The following COLGALT1 variants were observed in gnomAD, a reference collection of about 807,000 sequenced individuals.
COLGALT1 encodes procollagen galactosyltransferase 1.
Under a neutral mutation model 60.8 loss-of-function variants are expected in COLGALT1, and 43 were observed. The ratio of observed to expected loss-of-function variants is 0.71; its 90% CI spans 0.55 to 0.91. The LOEUF (loss-of-function observed/expected upper bound fraction) is 0.91, where lower values mean the gene tolerates loss of function less well. Among genes scored for constraint, COLGALT1 ranks in the 40% least tolerant of loss-of-function variants. COLGALT1 has a pLI of 0.00. For synonymous variants in COLGALT1, 369 were observed against 374.2 expected, an observed-to-expected ratio of 0.99 and a Z score of 0.16; for missense variants, 845 against 880.0, an observed-to-expected ratio of 0.96 and a Z score of 0.50.
At chr19:17,577,612 A>C in intron 8 of COLGALT1, 145 bp downstream of exon 8, 1 of 773,990 alleles carries the variant, frequency 1.3e-6, no homozygotes, top group African/African-American at 1.8e-5. Context: ...CCTGAAGGGG[A>C]AGTGAATGGG....
At chr19:17,563,187 CTT>C (rs954111271) in intron 3 of COLGALT1, among the ~76,000 whole-genome samples, 8 of 117,504 alleles carry the variant, frequency 6.8e-5, no homozygotes, top group Admixed American at 9.6e-5. Flanking sequence ...TTTCGTGTTT[CTT>C]TTTTTTTTTT....
chr19:17,571,666 C>T (rs1258006300), intron 5 of COLGALT1, among the ~76,000 whole-genome samples: 6 of 148,678 alleles, frequency 4.0e-5, no homozygotes, highest in South Asian at 2.1e-4. Context: ...TGCAGTGAGC[C>T]GAGGTGGCAC....
chr19:17,573,415 G>A, intron 6 of COLGALT1, among the ~76,000 whole-genome samples: 1 of 152,194 alleles, frequency 6.6e-6, no homozygotes, highest in East Asian at 1.9e-4. Context: ...TATAGTCCCA[G>A]CTACTTGGGA....
In COLGALT1 at chr19:17,579,532, T is replaced by C. The variant is rs1259759342; in HGVS notation, c.1317T>C (p.Arg439=). 1 of 1,613,706 alleles carries C rather than the reference T, an allele frequency of 6.2e-7. No homozygotes were observed. Among genetic ancestry groups the C allele is most frequent in the Non-Finnish European group, 8.5e-7 (1 of 1,179,958 alleles). Residue 439 remains arginine, a synonymous_variant, in exon 10 of 12, where the codon CGT becomes CGC. Coordinates refer to ENST00000252599, the MANE Select transcript of COLGALT1 (RefSeq NM_024656.4). ...QKSLVFEDDL[R]FEIFFKRRLM... is the part of the protein sequence containing the mutation. ...CGCTTGTGTTTGAGGATGACCTGCG[T>C]TTTGAGATCTTCTTCAAGAGACGTC...
At chr19:17,558,440 G>A (rs1353426000) in intron 1 of COLGALT1, among the ~76,000 whole-genome samples, 1 of 150,160 alleles carries the variant, frequency 6.7e-6, no homozygotes, top group Non-Finnish European at 1.5e-5. Context: ...CACTTTGGGA[G>A]GCTGAGGCAG....
intron 6 of COLGALT1, among the ~76,000 whole-genome samples, chr19:17,574,949 T>A (rs550650747): frequency 7.2e-5 from 11 of 152,308 alleles, no homozygotes; most frequent in Admixed American, 5.2e-4. Context: ...CTCAACCTCC[T>A]TGACTCAAGC....
chr19:17,563,373 G>A (rs1360683934), intron 3 of COLGALT1, among the ~76,000 whole-genome samples: 2 of 142,058 alleles, frequency 1.4e-5, no homozygotes, highest in African/African-American at 2.6e-5. Flanking sequence ...TTTTTGTGAC[G>A]GAGTCTCACT....
Position 17,579,558 on chromosome 19 carries a change from T to C in COLGALT1, c.1343T>C (p.Leu448Pro). 6.2e-7 allele frequency: 1 copy of C among 1,613,580 alleles called. No individual in the cohort carries two copies. Among genetic ancestry groups the C allele is most frequent in the Non-Finnish European group, 8.5e-7 (1 of 1,179,964 alleles). The change falls in exon 10 of 12, where the codon CTG becomes CCG. Residue 448 changes from leucine to proline, a missense_variant. Coordinates refer to ENST00000252599, the MANE Select transcript of COLGALT1 (RefSeq NM_024656.4). The part of the protein sequence containing the change: ...LRFEIFFKRR[L>P]MNLMRDVERE... ...TTTGAGATCTTCTTCAAGAGACGTC[T>C]GATGAACCTCATGCGGGATGTGGAG...
chr19:17,578,226 T>C, intron 9 of COLGALT1, 137 bp downstream of exon 9: 2 of 895,812 alleles, frequency 2.2e-6, no homozygotes, highest in Non-Finnish European at 3.1e-6. Flanking sequence ...ATGGCCTCTC[T>C]TTAGTGAATG....
In COLGALT1 at chr19:17,577,186, G is replaced by A. The variant is rs764484787; in HGVS notation, c.950-9G>A. 10 of 1,612,930 alleles carry A rather than the reference G, an allele frequency of 6.2e-6. No individual in the cohort carries two copies. Among genetic ancestry groups the A allele is most frequent in the South Asian group, 2.2e-5 (2 of 91,062 alleles). ...ACCCCAGCGACTCCTCAACGTCTGT[G>A]CCCCACAGTGAAGCACCCGCCCGCA... On this transcript the variant is annotated splice_polypyrimidine_tract_variant and intron_variant, in intron 6 of 11. Coordinates refer to ENST00000252599, the MANE Select transcript of COLGALT1 (RefSeq NM_024656.4).
At chr19:17,577,589 C>T (rs779249432) in intron 8 of COLGALT1, 122 bp downstream of exon 8, 34 of 860,518 alleles carry the variant, frequency 4.0e-5, no homozygotes, top group Non-Finnish European at 5.7e-5. Flanking sequence ...ATGTAGACCT[C>T]GTCAGTGGGC....
intron 1 of COLGALT1, among the ~76,000 whole-genome samples, chr19:17,557,727 G>C (rs2076221610): frequency 6.6e-6 from 1 of 152,146 alleles, no homozygotes; most frequent in South Asian, 2.1e-4. Context: ...TCAGCTTCTT[G>C]AGTAACTGGG....
intron 6 of COLGALT1, among the ~76,000 whole-genome samples, chr19:17,574,865 T>C (rs1298016040): frequency 6.6e-6 from 1 of 151,958 alleles, no homozygotes; most frequent in Non-Finnish European, 1.5e-5. Context: ...TGTGTTGTCA[T>C]TTCCTTTTTT....
intron 1 of COLGALT1, 99 bp from the exon 2 acceptor site, chr19:17,559,212 T>G: frequency 1.3e-6 from 1 of 778,812 alleles, no homozygotes; most frequent in South Asian, 1.5e-5. Flanking sequence ...ACATAGCTGG[T>G]GGGAGGCCAG....
At chr19:17,570,439 T>C (rs1019792960) in intron 5 of COLGALT1, among the ~76,000 whole-genome samples, 18 of 151,654 alleles carry the variant, frequency 1.2e-4, no homozygotes, top group African/African-American at 4.1e-4. Flanking sequence ...AGAGATGGGG[T>C]CTTGCTATGT....
chr19:17,565,552 C>A (rs972173245), intron 3 of COLGALT1, among the ~76,000 whole-genome samples: 5 of 151,824 alleles, frequency 3.3e-5, no homozygotes, highest in Non-Finnish European at 7.4e-5. Context: ...TGTATTTAAT[C>A]CCAGCTACTC....
intron 11 of COLGALT1, 26 bp from the exon 12 acceptor site, chr19:17,581,151 C>T (rs1296088648): frequency 6.3e-7 from 1 of 1,599,490 alleles, no homozygotes; most frequent in Non-Finnish European, 8.5e-7. Flanking sequence ...CATTGCTGCC[C>T]CTCACTCCCC....
chr19:17,561,631 C>CAAAAAAAAAAAAAAAAA (rs11332403), intron 3 of COLGALT1, among the ~76,000 whole-genome samples: 1 of 72,732 alleles, frequency 1.4e-5, no homozygotes, highest in Non-Finnish European at 2.5e-5. Context: ...GACTCTGTCT[C>CAAAAAAAAAAAAAAAAA]AAAAAAAAAA....
In COLGALT1 at chr19:17,574,191, A is replaced by G. The variant is rs190384481; in HGVS notation, c.949+1589A>G. On this transcript the variant is annotated intron_variant, in intron 6 of 11. Transcript: ENST00000252599. ...CACTGCCATTCCCACCACTGCGTAG[A>G]TGGAGACTGGGTGGGAGGGGTGAGG... 4.6e-5 allele frequency among the ~76,000 whole-genome samples: 7 copies of G among 152,262 alleles called. No homozygotes were observed. In the East Asian group the frequency reaches 1.4e-3, roughly 29 times the overall value.
Sources: allele counts gnomAD v4.1 joint callset (sites outside exome capture counted in the v4.1 genomes callset), GRCh38; gene constraint gnomAD v4.1.1; transcripts MANE v1.5; gene names NCBI Gene and HGNC (gene_info 2026-07-23, HGNC 2026-07-21).